ZNF497: variants seen among roughly 807,000 people sequenced by gnomAD.
ZNF497 encodes zinc finger protein 497.
For synonymous variants in ZNF497, 422 were observed against 313.7 expected (o/e 1.35, Z -3.65); for missense variants, 930 against 714.0 (o/e 1.30, Z -3.45).
intron 1 of ZNF497, among the ~76,000 whole-genome samples, chr19:58,359,988 G>C (rs573308686): frequency 2.7e-5 from 4 of 149,782 alleles, no homozygotes; most frequent in African/African-American, 9.8e-5. Flanking sequence ...AAAAAAAAGA[G>C]AATAAATACT....
In ZNF497 at chr19:58,355,972, G is replaced by C. The variant is rs1157219068; in HGVS notation, c.*167C>G. 5.4e-6 allele frequency: 4 copies of C among 738,650 alleles called. No homozygotes were observed. In the East Asian group the frequency reaches 1.2e-4, roughly 22 times the overall value. The allele number at this position is 738,650 out of a possible 1,614,324, so 45.8% of individuals were successfully genotyped here. A position where few individuals can be genotyped will look rare whatever the true frequency, so the allele number is the denominator to read the frequency against. ...GGGTGGCCGGTGGACTATCGTCAAA[G>C]GGACTGTGCAGCCAGGGTTCTCCAC... On this transcript the variant is annotated 3_prime_UTR_variant, in exon 3 of 3. Coordinates refer to ENST00000311044, the MANE Select transcript of ZNF497 (RefSeq NM_198458.3).
At chr19:58,357,729 G>A in intron 2 of ZNF497, 80 bp from the exon 3 acceptor site, 1 of 1,360,264 alleles carries the variant, frequency 7.4e-7, no homozygotes, top group Non-Finnish European at 9.7e-7. Context: ...ACACGACGGT[G>A]GGTGGGCTGT....
chr19:58,357,606 C>T lies in ZNF497; in HGVS notation c.30G>A (p.Gln10=), dbSNP rs535118402. Residue 10 remains glutamine (Q), a synonymous_variant, in exon 3 of 3, where the codon CAG becomes CAA. Transcript: ENST00000311044. MESPRGWTL[Q]VAPEEGQVLC... is the part of the protein sequence containing the mutation. ...GGACCTGGCCTTCCTCTGGGGCCACCTGCAGGGTCCACCCTCTTGGGGACT... is the reference window on the plus strand; with the variant it reads ...GGACCTGGCCTTCCTCTGGGGCCACTTGCAGGGTCCACCCTCTTGGGGACT... 3 of 1,549,260 alleles carry T rather than the reference C, an allele frequency of 1.9e-6. No individual in the cohort carries two copies. In the South Asian group the frequency reaches 3.7e-5, roughly 19 times the overall value.
Position 58,356,829 on chromosome 19 carries a change from C to T in ZNF497, c.807G>A (p.Ala269=). 9 of 1,570,386 alleles carry T rather than the reference C, an allele frequency of 5.7e-6. No homozygotes were observed. The highest frequency in any genetic ancestry group is 7.7e-6 in the Non-Finnish European group (9 of 1,164,474). ...CGGGACAGGCGTGTGGCCGTGCGCC[C>T]GCGTGGATCTTCAGGTGCTCGGCCA... is the stretch of plus-strand genomic sequence containing the variant. ...SNLAEHLKIH[A]GARPHACPDC... Residue 269 remains alanine (A), a synonymous_variant, in exon 3 of 3, where the codon GCG becomes GCA. Transcript: ENST00000311044.
Position 58,356,821 on chromosome 19 carries a change from C to T in ZNF497, c.815G>A (p.Arg272Gln), listed in dbSNP as rs747897126. 6 of 1,559,686 alleles carry T rather than the reference C, an allele frequency of 3.8e-6. No homozygotes were observed. In the African/African-American group the frequency reaches 8.4e-5, roughly 22 times the overall value. The change falls in exon 3 of 3, where the codon CGG becomes CAG. Residue 272 changes from arginine (R) to glutamine (Q), a missense_variant. By Grantham distance (43) the Arg-to-Gln change is conservative. Coordinates refer to ENST00000311044, the MANE Select transcript of ZNF497 (RefSeq NM_198458.3). Reference protein sequence around the residue: ...AEHLKIHAGARPHACPDCGKA... With the variant: ...AEHLKIHAGAQPHACPDCGKA... ...GCCGCAGTCGGGACAGGCGTGTGGC[C>T]GTGCGCCCGCGTGGATCTTCAGGTG...
rs984502523 is a variant in ZNF497 at position 58,356,110 on chromosome 19, C to T, written c.*29G>A. ...CCGAGACCCCGCAATGCCGTGTGTC[C>T]GCGACCTCCCGCTCAGGGCGTCCTC... On this transcript the variant is annotated 3_prime_UTR_variant, in exon 3 of 3. Transcript: ENST00000311044. 4 of 1,508,074 alleles carry T rather than the reference C, an allele frequency of 2.7e-6. No homozygotes were observed. The highest frequency in any genetic ancestry group is 4.7e-4 in the Middle Eastern group (2 of 4,214). 93.4% of individuals were successfully genotyped at this position (1,508,074 alleles called of 1,614,324 possible).
intron 1 of ZNF497, chr19:58,359,395 T>G (rs558685725): frequency 4.6e-5 from 25 of 539,960 alleles, no homozygotes; most frequent in Non-Finnish European, 7.3e-5. Flanking sequence ...CACCTGAGAC[T>G]GAGTAAAAAT....
Position 58,356,247 on chromosome 19 carries a change from C to T in ZNF497, c.1389G>A (p.Thr463=). ...RKSELLSHRR[T]HTGERPYACG... ...AAGCGTAGGGCCTCTCGCCCGTGTGCGTGCGCCGGTGGCTTAAGAGCTCCG... is the reference window on the plus strand; with the variant it reads ...AAGCGTAGGGCCTCTCGCCCGTGTGTGTGCGCCGGTGGCTTAAGAGCTCCG... The change falls in exon 3 of 3, where the codon ACG becomes ACA. Residue 463 remains threonine, a synonymous_variant. Transcript: ENST00000311044. 6.2e-7 allele frequency: 1 copy of T among 1,606,128 alleles called. No homozygotes were observed. Among genetic ancestry groups the T allele is most frequent in the Non-Finnish European group, 8.5e-7 (1 of 1,176,954 alleles).
intron 1 of ZNF497, among the ~76,000 whole-genome samples, chr19:58,361,124 C>A (rs1250681186): frequency 6.6e-6 from 1 of 152,132 alleles, no homozygotes; most frequent in African/African-American, 2.4e-5. Flanking sequence ...GGTCCACCCG[C>A]CTCGGCCTCC....
chr19:58,356,598 C>A lies in ZNF497; in HGVS notation c.1038G>T (p.Ala346=). 6.5e-7 allele frequency: 1 copy of A among 1,545,184 alleles called. No homozygotes were observed. Residue 346 remains alanine (A), a synonymous_variant, in exon 3 of 3, where the codon GCG becomes GCT. Transcript: ENST00000311044. ...GQAFVMGSYL[A]EHRRVHTGEK... ...CGCCCGTGTGCACGCGCCGGTGCTC[C>A]GCCAGGTAGGAGCCCATGACGAAAG...
At position 58,356,198 on chromosome 19, in the gene ZNF497, T is replaced by C. The variant is rs1568557121; in HGVS notation, c.1438A>G (p.Ser480Gly). Residue 480 changes from serine (S) to glycine (G), a missense_variant, in exon 3 of 3, where the codon AGC (serine) becomes GGC (glycine). Ser to Gly is a moderately conservative substitution (Grantham distance 56). Transcript: ENST00000311044. ...TGCTCGTTGAGGTTGCAACGGTGGCTGAAAGGCTTCCCGCACTCGCCGCAA... is the reference window on the plus strand; with the variant it reads ...TGCTCGTTGAGGTTGCAACGGTGGCCGAAAGGCTTCCCGCACTCGCCGCAA... The part of the protein sequence containing the change: ...YACGECGKPF[S>G]HRCNLNEHQK... 3 of 1,598,430 alleles carry C rather than the reference T, an allele frequency of 1.9e-6. No homozygotes were observed. Among genetic ancestry groups the C allele is most frequent in the Admixed American group, 3.4e-5 (2 of 59,160 alleles).
In ZNF497 at chr19:58,356,851, G is replaced by C; in HGVS notation, c.785C>G (p.Ala262Gly). 6.4e-7 allele frequency: 1 copy of C among 1,574,536 alleles called. No homozygotes were observed. The highest frequency in any genetic ancestry group is 8.6e-7 in the Non-Finnish European group (1 of 1,166,490). Residue 262 changes from alanine to glycine, a missense_variant, in exon 3 of 3, where the codon GCC becomes GGC. By Grantham distance (60) the Ala-to-Gly change is moderately conservative. Transcript: ENST00000311044. The part of the protein sequence containing the change: ...GKAFSQSSNL[A>G]EHLKIHAGAR... ...GCCCGCGTGGATCTTCAGGTGCTCG[G>C]CCAGGTTGGAGCTCTGGCTGAAGGC...
At chr19:58,359,380 G>C in intron 1 of ZNF497, 10 of 640,856 alleles carry the variant, frequency 1.6e-5, no homozygotes, top group Non-Finnish European at 2.5e-5. Flanking sequence ...TCCCCTCCTT[G>C]GGACCACCTG....
rs891844975 is a variant in ZNF497, at chr19:58,356,036, C to T, written c.*103G>A. ...CCTGCACTCCCAGCAGGAGGGCGCC[C>T]GCACCGGCGGCCCGAAAAAGTCTGG... On this transcript the variant is annotated 3_prime_UTR_variant, in exon 3 of 3. Coordinates refer to ENST00000311044, the MANE Select transcript of ZNF497 (RefSeq NM_198458.3). The T allele has an allele frequency of 2.4e-5, 32 of 1,342,918 alleles. 1 individual carries two copies. The African/African-American group carries it at 3.9e-4, about 16-fold the overall frequency. 83.2% of individuals were successfully genotyped at this position (1,342,918 alleles called of 1,614,324 possible). A position where few individuals can be genotyped will look rare whatever the true frequency, so the allele number is the denominator to read the frequency against.
At position 58,356,730 on chromosome 19, in the gene ZNF497, G is replaced by T; in HGVS notation, c.906C>A (p.Phe302Leu). 1 of 1,572,438 alleles carries T rather than the reference G, an allele frequency of 6.4e-7. No individual in the cohort carries two copies. The highest frequency in any genetic ancestry group is 1.1e-5 in the South Asian group (1 of 87,512). ...AAGCCTTTCCGCACTCGGCGCAGGGGAAGGGCTTCTCGCTGCTGTGCGTGC... is the reference window on the plus strand; with the variant it reads ...AAGCCTTTCCGCACTCGGCGCAGGGTAAGGGCTTCTCGCTGCTGTGCGTGC... ...HRRTHSSEKPFPCAECGKAFR... is the reference protein window; with the variant it reads ...HRRTHSSEKPLPCAECGKAFR... Residue 302 changes from phenylalanine to leucine, a missense_variant, in exon 3 of 3, where the codon TTC (phenylalanine) becomes TTA (leucine). Physicochemically the swap from Phe to Leu is conservative, Grantham distance 22. Coordinates refer to ENST00000311044, the MANE Select transcript of ZNF497 (RefSeq NM_198458.3).
chr19:58,358,599 G>A lies in ZNF497; in HGVS notation c.-111-14C>T. On this transcript the variant is annotated splice_polypyrimidine_tract_variant and intron_variant, in intron 1 of 2. Transcript: ENST00000311044. ...GGGGGCTGGCACCTGGGGACAGGAAGGCAGCAGGGCAGGGTGAGGTGTTCA... is the reference window on the plus strand; with the variant it reads ...GGGGGCTGGCACCTGGGGACAGGAAAGCAGCAGGGCAGGGTGAGGTGTTCA... 9 of 1,171,510 alleles carry A rather than the reference G, an allele frequency of 7.7e-6. No homozygotes were observed. Among genetic ancestry groups the A allele is most frequent in the Non-Finnish European group, 8.7e-6 (8 of 923,356 alleles). 72.6% of individuals were successfully genotyped at this position (1,171,510 alleles called of 1,614,324 possible). A position where few individuals can be genotyped will look rare whatever the true frequency, so the allele number is the denominator to read the frequency against.
At chr19:58,360,306 T>A (rs1380980254) in intron 1 of ZNF497, among the ~76,000 whole-genome samples, 4 of 152,126 alleles carry the variant, frequency 2.6e-5, no homozygotes, top group Non-Finnish European at 5.9e-5. Flanking sequence ...ATTTATGTTT[T>A]TTAAAAAAGT....
In ZNF497 at chr19:58,357,282, G is replaced by C; in HGVS notation, c.354C>G (p.Gly118=). The C allele has an allele frequency of 6.2e-7, 1 of 1,612,424 alleles. No individual in the cohort carries two copies. Among genetic ancestry groups the C allele is most frequent in the East Asian group, 2.2e-5 (1 of 44,844 alleles). ...CGCGCCGATGCTGCAGCAAGTAAGA[G>C]CCCTGGCTGAACGCCTTGCCGCACT... is the stretch of plus-strand genomic sequence containing the variant. ...CGECGKAFSQ[G]SYLLQHRRVH... Residue 118 remains glycine (G), a synonymous_variant, in exon 3 of 3, where the codon GGC becomes GGG. Transcript: ENST00000311044.
intron 1 of ZNF497, among the ~76,000 whole-genome samples, chr19:58,362,351 T>C (rs2052103069): frequency 6.6e-6 from 1 of 152,012 alleles, no homozygotes; most frequent in Non-Finnish European, 1.5e-5. Context: ...TAAATGAATG[T>C]GGGAAGAAAT....
Sources: gnomAD v4.1 joint callset for allele counts (sites outside exome capture counted in the v4.1 genomes callset) on GRCh38, gnomAD v4.1.1 for gene constraint, MANE v1.5 for transcripts, NCBI Gene and HGNC (gene_info 2026-07-23, HGNC 2026-07-21) for gene names.